The following SH3KBP1 variants were observed in gnomAD, a reference collection of about 807,000 sequenced individuals.
The protein encoded by SH3KBP1 is SH3 domain containing kinase binding protein 1, also known as SH3 domain-containing kinase-binding protein 1.
A neutral mutation model predicts 50.1 loss-of-function variants in SH3KBP1; 8 were observed. The observed-to-expected ratio is 0.16, with a 90% confidence interval of 0.09 to 0.29. The LOEUF (loss-of-function observed/expected upper bound fraction) is 0.29. Ranked by LOEUF, SH3KBP1 falls within the 10% of genes least tolerant of loss-of-function variation. The pLI, the probability that SH3KBP1 is intolerant of heterozygous loss-of-function variation, is 1.00. For missense variants in SH3KBP1, 377 were observed against 535.2 expected (o/e 0.70, Z 2.92); for synonymous variants, 227 against 218.6 (o/e 1.04, Z -0.34).
intron 3 of SH3KBP1, among the ~76,000 whole-genome samples, chrX:19,716,668 T>C (rs2063919010): frequency 9.0e-6 from 1 of 111,479 alleles, no homozygotes; most frequent in African/African-American, 3.3e-5. Context: ...GAAATGAACA[T>C]TGAGTGCCTG....
At chrX:19,853,797 T>A (rs1366622267) in intron 1 of SH3KBP1, among the ~76,000 whole-genome samples, 1 of 110,669 alleles carries the variant, frequency 9.0e-6, no homozygotes, top group East Asian at 2.9e-4. Flanking sequence ...ATCCCATCTT[T>A]ACTAAAAATA....
chrX:19,576,712 G>C (rs767741670), intron 12 of SH3KBP1, among the ~76,000 whole-genome samples: 1 of 112,243 alleles, frequency 8.9e-6, no homozygotes, highest in South Asian at 3.7e-4. Flanking sequence ...CAAGTCACTG[G>C]GATTACAGGC....
intron 2 of SH3KBP1, among the ~76,000 whole-genome samples, chrX:19,816,175 A>G (rs2060429097): frequency 8.9e-6 from 1 of 112,494 alleles, no homozygotes. Flanking sequence ...TGTTATCACC[A>G]TTTTTAATTT....
At position 19,605,416 on chromosome X, in the gene SH3KBP1, C is replaced by T. The variant is rs146677418; in HGVS notation, c.1005+2522G>A. Among the ~76,000 whole-genome samples, 6 of 111,753 alleles carry T rather than the reference C, an allele frequency of 5.4e-5. No homozygotes were observed. The East Asian group carries it at 1.7e-3, about 31-fold the overall frequency. ...AAAAAACATACTGCCTCAATCAGAA[C>T]CAATAAGGTGGCAAATGTCTAGTAA... On this transcript the variant is annotated intron_variant, in intron 9 of 17. Coordinates refer to ENST00000397821, the MANE Select transcript of SH3KBP1 (RefSeq NM_031892.3).
chrX:19,549,195 C>T (rs1398754976), intron 14 of SH3KBP1, among the ~76,000 whole-genome samples: 2 of 112,110 alleles, frequency 1.8e-5, no homozygotes, highest in Non-Finnish European at 3.8e-5. Context: ...GCAAGTTTCA[C>T]AACGATGCGT....
chrX:19,682,757 T>C (rs982647225), intron 6 of SH3KBP1, among the ~76,000 whole-genome samples: 2 of 110,157 alleles, frequency 1.8e-5, no homozygotes, highest in Non-Finnish European at 3.8e-5. Context: ...TCTAGAGGGA[T>C]TCAGTGTTCG....
chrX:19,760,033 T>TCTCTCTCCCTCTCCCTCTCC (rs2065345210), intron 2 of SH3KBP1, among the ~76,000 whole-genome samples: 1 of 64,802 alleles, frequency 1.5e-5, no homozygotes, highest in Admixed American at 1.6e-4. Context: ...CCTCTCTCTC[T>TCTCTCTCCCTCTCCCTCTCC]CTCTCTCCCT....
At chrX:19,748,165 G>A (rs1303886221) in intron 2 of SH3KBP1, among the ~76,000 whole-genome samples, 2 of 112,154 alleles carry the variant, frequency 1.8e-5, no homozygotes, top group Non-Finnish European at 3.8e-5. Flanking sequence ...GACTGTGCAC[G>A]TGCAAATTCC....
At chrX:19,680,462 T>C (rs2063024608) in intron 6 of SH3KBP1, among the ~76,000 whole-genome samples, 1 of 109,758 alleles carries the variant, frequency 9.1e-6, no homozygotes, top group Non-Finnish European at 1.9e-5. Flanking sequence ...AATGGTCAGA[T>C]TCCCTTTTTC....
rs36059368 is a variant in SH3KBP1 at position 19,769,075 on chromosome X, A to ATTTT, written c.163-22638_163-22635dup. On this transcript the variant is annotated intron_variant, in intron 2 of 17. Coordinates refer to ENST00000397821, the MANE Select transcript of SH3KBP1 (RefSeq NM_031892.3). Reference sequence around the variant, plus strand: ...AATATTATTATACAGCTGCGTTATAATTTTTTTTTTTTTTTTTTTTTTGAG... The same window carrying ATTTT: ...AATATTATTATACAGCTGCGTTATAATTTTTTTTTTTTTTTTTTTTTTTTTTGAG... Among the ~76,000 whole-genome samples, 40 of 81,135 alleles carry ATTTT rather than the reference A, an allele frequency of 4.9e-4. 1 individual carries two copies. The highest frequency in any genetic ancestry group is 1.9e-3 in the African/African-American group (37 of 19,053). 70.5% of individuals were successfully genotyped at this position (81,135 alleles called of 115,157 possible). A position where few individuals can be genotyped will look rare whatever the true frequency, so the allele number is the denominator to read the frequency against.
intron 1 of SH3KBP1, among the ~76,000 whole-genome samples, chrX:19,861,614 C>A (rs2068780282): frequency 1.8e-5 from 2 of 111,350 alleles, no homozygotes; most frequent in Admixed American, 1.9e-4. Flanking sequence ...GGAATTTAAC[C>A]ATGTCAATGC....
intron 5 of SH3KBP1, chrX:19,695,036 G>A (rs1203735315): frequency 2.5e-6 from 3 of 1,201,181 alleles, no homozygotes; most frequent in South Asian, 3.6e-5. Context: ...AGAAGCTGGA[G>A]GGAGACCTTC....
intron 13 of SH3KBP1, among the ~76,000 whole-genome samples, chrX:19,556,302 T>TC (rs1268839313): frequency 1.8e-5 from 2 of 109,801 alleles, no homozygotes; most frequent in African/African-American, 6.6e-5. Context: ...TTTTTTTTTT[T>TC]TCCAAGGTCT....
intron 1 of SH3KBP1, among the ~76,000 whole-genome samples, chrX:19,881,750 A>T (rs2069440577): frequency 8.9e-6 from 1 of 111,978 alleles, no homozygotes; most frequent in Non-Finnish European, 1.9e-5. Context: ...TAAGGGGACC[A>T]GAGATGACAG....
chrX:19,837,853 G>A (rs754897695), intron 1 of SH3KBP1, among the ~76,000 whole-genome samples: 175 of 111,858 alleles, frequency 1.6e-3, no homozygotes, highest in Non-Finnish European at 2.7e-3. Context: ...TAGCAATTCA[G>A]AAATTATGAT....
intron 6 of SH3KBP1, among the ~76,000 whole-genome samples, chrX:19,682,313 A>T (rs2063072289): frequency 9.6e-6 from 1 of 104,506 alleles, no homozygotes; most frequent in East Asian, 3.0e-4. Flanking sequence ...AACTAATATT[A>T]ATAGCAATAA....
Position 19,546,026 on chromosome X carries a change from A to T in SH3KBP1, c.1519T>A (p.Phe507Ile). 1.7e-6 allele frequency: 2 copies of T among 1,211,394 alleles called. No homozygotes were observed. Among genetic ancestry groups the T allele is most frequent in the Non-Finnish European group, 2.2e-6 (2 of 895,004 alleles). The change falls in exon 15 of 18, where the codon TTC becomes ATC. Residue 507 changes from phenylalanine (F) to isoleucine (I), a missense_variant. By Grantham distance (21) the Phe-to-Ile change is conservative. Transcript: ENST00000397821. ...TSSSLSSPDI[F>I]DSPSPEEDKE... ...TCCTCTTCGGGACTTGGGGAGTCGA[A>T]GATATCAGGGCTTGAAAGGGATGAC...
chrX:19,692,978 C>G (rs945537163), intron 5 of SH3KBP1, among the ~76,000 whole-genome samples: 3 of 111,095 alleles, frequency 2.7e-5, no homozygotes, highest in African/African-American at 9.8e-5. Context: ...CATAAGCCAC[C>G]ATGCCTGGCC....
intron 12 of SH3KBP1, among the ~76,000 whole-genome samples, chrX:19,577,858 T>C (rs894193972): frequency 2.7e-5 from 3 of 111,480 alleles, no homozygotes; most frequent in African/African-American, 9.8e-5. Context: ...GTGACTCTTT[T>C]TGGCAGCAAC....
Sources: gnomAD v4.1 joint callset for allele counts (sites outside exome capture counted in the v4.1 genomes callset) on GRCh38, gnomAD v4.1.1 for gene constraint, MANE v1.5 for transcripts, NCBI Gene and HGNC (gene_info 2026-07-23, HGNC 2026-07-21) for gene names.